IL1RAPL1: variants seen among roughly 807,000 people sequenced by gnomAD.
IL1RAPL1 encodes the protein interleukin 1 receptor accessory protein like 1, also known as interleukin-1 receptor accessory protein-like 1.
IL1RAPL1 carries 3 observed loss-of-function variants against 48.4 expected under a neutral mutation model. The observed-to-expected ratio is 0.06, with a 90% CI of 0.03 to 0.16. The LOEUF is 0.16. Ranked by LOEUF, IL1RAPL1 falls within the 10% of genes least tolerant of loss-of-function variation. IL1RAPL1 has a pLI of 1.00. For synonymous variants in IL1RAPL1, 185 were observed against 187.7 expected (o/e 0.99, Z 0.12); for missense variants, 349 against 530.6 (o/e 0.66, Z 3.36).
chrX:29,540,157 CAAG>C (rs2147782655), intron 5 of IL1RAPL1, among the ~76,000 whole-genome samples: 1 of 110,562 alleles, frequency 9.0e-6, no homozygotes, highest in African/African-American at 3.3e-5. Context: ...AGAGCCAAAT[CAAG>C]GAGGCAACCC....
At chrX:29,371,254 C>A (rs193248140) in intron 3 of IL1RAPL1, among the ~76,000 whole-genome samples, 19 of 106,449 alleles carry the variant, frequency 1.8e-4, no homozygotes, top group African/African-American at 6.2e-4. Context: ...GTCTCAGCCT[C>A]CCAAGTAGCT....
At chrX:28,846,981 G>A (rs1466272149) in intron 2 of IL1RAPL1, among the ~76,000 whole-genome samples, 1 of 110,850 alleles carries the variant, frequency 9.0e-6, no homozygotes, top group Non-Finnish European at 1.9e-5. Flanking sequence ...CACCAACCTG[G>A]ACCTCTCCCC....
At chrX:28,796,651 C>T (rs756132146) in intron 2 of IL1RAPL1, among the ~76,000 whole-genome samples, 1 of 111,636 alleles carries the variant, frequency 9.0e-6, no homozygotes, top group African/African-American at 3.3e-5. Context: ...GACAGCTCTA[C>T]CCCCGTGGCT....
At chrX:29,193,669 A>T (rs1043366162) in intron 2 of IL1RAPL1, among the ~76,000 whole-genome samples, 2 of 111,294 alleles carry the variant, frequency 1.8e-5, no homozygotes, top group Non-Finnish European at 3.8e-5. Context: ...GAGTAATTTT[A>T]TGATGATGAA....
Position 29,389,417 on chromosome X carries a change from G to C in IL1RAPL1, c.363-6841G>C, listed in dbSNP as rs180979969. Among the ~76,000 whole-genome samples the C allele has an allele frequency of 9.3e-4, 101 of 108,709 alleles. 1 individual carries two copies. In the East Asian group the frequency reaches 0.013, roughly 14 times the overall value. 94.4% of individuals were successfully genotyped at this position (108,709 alleles called of 115,157 possible). A position where few individuals can be genotyped will look rare whatever the true frequency, so the allele number is the denominator to read the frequency against. On this transcript the variant is annotated intron_variant, in intron 3 of 10. Transcript: ENST00000378993. ...ATCAAAGAAATCAGCCATAGGCCCT[G>C]AAGAAATTATATGTAATGTATGTAA...
At chrX:28,608,147 A>G (rs1934107016) in intron 1 of IL1RAPL1, among the ~76,000 whole-genome samples, 1 of 111,751 alleles carries the variant, frequency 8.9e-6, no homozygotes, top group Non-Finnish European at 1.9e-5. Context: ...CATTGCTTTG[A>G]CTACAGATGT....
intron 3 of IL1RAPL1, among the ~76,000 whole-genome samples, chrX:29,307,952 A>G (rs1932650726): frequency 8.9e-6 from 1 of 112,431 alleles, no homozygotes; most frequent in African/African-American, 3.2e-5. Context: ...AAAATTATCA[A>G]TACTGCTTGA....
intron 1 of IL1RAPL1, among the ~76,000 whole-genome samples, chrX:28,781,329 T>G (rs1936421687): frequency 9.2e-6 from 1 of 108,326 alleles, no homozygotes; most frequent in African/African-American, 3.4e-5. Context: ...TTTTTTTTTG[T>G]GGTTTTAGAA....
intron 2 of IL1RAPL1, among the ~76,000 whole-genome samples, chrX:29,039,901 T>C (rs752542483): frequency 5.4e-4 from 58 of 108,372 alleles, no homozygotes; most frequent in Non-Finnish European, 8.6e-4. Context: ...GCTTCCACCA[T>C]ACCCTATATG....
intron 2 of IL1RAPL1, among the ~76,000 whole-genome samples, chrX:29,142,469 G>A (rs901412702): frequency 9.0e-6 from 1 of 111,709 alleles, no homozygotes; most frequent in African/African-American, 3.3e-5. Flanking sequence ...GGGAACAACT[G>A]GACCTTGAAT....
chrX:28,711,393 GCTATTAT>G (rs1935438465), intron 1 of IL1RAPL1, among the ~76,000 whole-genome samples: 1 of 111,562 alleles, frequency 9.0e-6, no homozygotes, highest in Non-Finnish European at 1.9e-5. Flanking sequence ...GTGTGAGATT[GCTATTAT>G]ACCCCCAAGT....
intron 2 of IL1RAPL1, among the ~76,000 whole-genome samples, chrX:29,098,727 C>A (rs1408293792): frequency 1.8e-5 from 2 of 112,425 alleles, no homozygotes; most frequent in African/African-American, 6.5e-5. Context: ...GAAGAATTTA[C>A]AAAATAGTGT....
chrX:29,241,558 A>C (rs1193006222), intron 2 of IL1RAPL1, among the ~76,000 whole-genome samples: 1 of 111,446 alleles, frequency 9.0e-6, no homozygotes, highest in Non-Finnish European at 1.9e-5. Flanking sequence ...TGAGCAAAAA[A>C]AAGGAAATAC....
intron 6 of IL1RAPL1, among the ~76,000 whole-genome samples, chrX:29,782,473 C>T (rs1929369600): frequency 9.0e-6 from 1 of 111,258 alleles, no homozygotes; most frequent in African/African-American, 3.3e-5. Flanking sequence ...CTCTTTTATA[C>T]TTTGTACTAA....
intron 6 of IL1RAPL1, among the ~76,000 whole-genome samples, chrX:29,695,597 C>CGAGAGAGAGAGAGAGAGAGAGA (rs10635140): frequency 2.1e-5 from 2 of 94,865 alleles, no homozygotes; most frequent in African/African-American, 7.9e-5. Context: ...TGCAAGGTGG[C>CGAGAGAGAGAGAGAGAGAGAGA]GAGAGAGAGA....
intron 6 of IL1RAPL1, among the ~76,000 whole-genome samples, chrX:29,763,751 C>T (rs1272308217): frequency 9.0e-6 from 1 of 110,826 alleles, no homozygotes; most frequent in Non-Finnish European, 1.9e-5. Context: ...AGGTTCAAGA[C>T]AAGACAATTT....
intron 2 of IL1RAPL1, among the ~76,000 whole-genome samples, chrX:29,210,696 T>G (rs771394725): frequency 1.8e-5 from 2 of 111,787 alleles, no homozygotes; most frequent in Admixed American, 9.6e-5. Context: ...TAAGCTCGCA[T>G]GATAAAATGT....
intron 5 of IL1RAPL1, among the ~76,000 whole-genome samples, chrX:29,545,830 T>C (rs1921609575): frequency 8.9e-6 from 1 of 112,164 alleles, no homozygotes; most frequent in Non-Finnish European, 1.9e-5. Context: ...CACTCTTTTC[T>C]CTTGGGTAAG....
intron 2 of IL1RAPL1, among the ~76,000 whole-genome samples, chrX:29,222,899 A>T (rs1033521931): frequency 2.7e-5 from 3 of 111,433 alleles, no homozygotes; most frequent in African/African-American, 9.8e-5. Flanking sequence ...CAAGACTCGG[A>T]TTGTCTCCTA....
Sources: allele counts gnomAD v4.1 joint callset (sites outside exome capture counted in the v4.1 genomes callset), GRCh38; gene constraint gnomAD v4.1.1; transcripts MANE v1.5; gene names NCBI Gene and HGNC (gene_info 2026-07-23, HGNC 2026-07-21).